Variants in LRP1B observed in about 807,000 individuals in gnomAD.
The protein encoded by LRP1B is low-density lipoprotein receptor-related protein 1B.
Under a neutral mutation model 556.6 loss-of-function variants are expected in LRP1B, and 217 were observed. That is an observed-to-expected ratio of 0.39 (90% CI 0.35 to 0.44). LRP1B has a LOEUF of 0.44. Among genes scored for constraint, LRP1B ranks in the 20% least tolerant of loss-of-function variants. LRP1B has a pLI of 1.00. For missense variants in LRP1B, 5,053 were observed against 5,620.8 expected (o/e 0.90, Z 3.23); for synonymous variants, 2,047 against 1,865.8 (o/e 1.10, Z -2.50).
intron 1 of LRP1B, among the ~76,000 whole-genome samples, 195 bp downstream of exon 1, chr2:142,130,453 C>A (rs1011869662): frequency 1.3e-5 from 2 of 152,198 alleles, no homozygotes; most frequent in Non-Finnish European, 2.9e-5. Context: ...GTGGGGGTGC[C>A]GAGGACTCAG....
intron 67 of LRP1B, among the ~76,000 whole-genome samples, chr2:140,380,443 G>A (rs1316439985): frequency 6.6e-6 from 1 of 152,078 alleles, no homozygotes; most frequent in Non-Finnish European, 1.5e-5. Context: ...ATTCCATACT[G>A]AAGCCATTTC....
chr2:140,452,104 A>C (rs1686908803), intron 62 of LRP1B, among the ~76,000 whole-genome samples: 1 of 152,150 alleles, frequency 6.6e-6, no homozygotes, highest in African/African-American at 2.4e-5. Context: ...TACTGGAGAC[A>C]AACTACAGGA....
intron 32 of LRP1B, among the ~76,000 whole-genome samples, chr2:140,792,714 A>G (rs1690166644): frequency 6.6e-6 from 1 of 152,180 alleles, no homozygotes; most frequent in South Asian, 2.1e-4. Flanking sequence ...TTCTCTAGAT[A>G]TTTCAAGTCT....
chr2:141,696,050 C>G (rs1272253669), intron 2 of LRP1B, among the ~76,000 whole-genome samples: 1 of 151,906 alleles, frequency 6.6e-6, no homozygotes, highest in Non-Finnish European at 1.5e-5. Flanking sequence ...CACAAATACC[C>G]TTTAATGTAA....
chr2:141,764,259 C>A (rs1028163846), intron 2 of LRP1B, among the ~76,000 whole-genome samples: 3 of 152,084 alleles, frequency 2.0e-5, no homozygotes, highest in African/African-American at 4.8e-5. Context: ...CGGCTCACTG[C>A]AAGCTCCGCC....
At chr2:141,029,136 C>T (rs1178867807) in intron 11 of LRP1B, among the ~76,000 whole-genome samples, 1 of 152,010 alleles carries the variant, frequency 6.6e-6, no homozygotes, top group African/African-American at 2.4e-5. Flanking sequence ...CTAGGGTGTT[C>T]AGGGGATGAA....
At chr2:141,430,349 A>G (rs968088329) in intron 3 of LRP1B, among the ~76,000 whole-genome samples, 1 of 152,182 alleles carries the variant, frequency 6.6e-6, no homozygotes, top group Non-Finnish European at 1.5e-5. Context: ...ACAGTAGCTC[A>G]TAAGACATGT....
intron 24 of LRP1B, among the ~76,000 whole-genome samples, chr2:140,884,816 G>A (rs1011089788): frequency 1.1e-4 from 16 of 152,206 alleles, no homozygotes; most frequent in Admixed American, 7.8e-4. Context: ...GGGCTCAGAT[G>A]ATTCTCCTAC....
intron 1 of LRP1B, among the ~76,000 whole-genome samples, chr2:141,925,612 G>C (rs72986515): frequency 3.9e-4 from 60 of 152,330 alleles, no homozygotes; most frequent in African/African-American, 1.4e-3. Context: ...ACCAGCAGGA[G>C]ACTATTATCT....
intron 2 of LRP1B, among the ~76,000 whole-genome samples, chr2:141,636,104 T>TA (rs796682445): frequency 6.6e-5 from 10 of 151,596 alleles, no homozygotes; most frequent in African/African-American, 1.5e-4. Context: ...CTGGGGACAG[T>TA]AAAAAAAAGA....
intron 35 of LRP1B, among the ~76,000 whole-genome samples, chr2:140,760,968 A>C (rs1313149638): frequency 6.6e-6 from 1 of 152,188 alleles, no homozygotes; most frequent in Non-Finnish European, 1.5e-5. Flanking sequence ...TATTTGTGGA[A>C]TCTTTCCTTA....
At chr2:140,767,856 C>T (rs1689171220) in intron 35 of LRP1B, among the ~76,000 whole-genome samples, 1 of 151,744 alleles carries the variant, frequency 6.6e-6, no homozygotes, top group Non-Finnish European at 1.5e-5. Context: ...AAAATACATG[C>T]ATGTACTGTA....
intron 7 of LRP1B, among the ~76,000 whole-genome samples, chr2:141,073,221 A>G (rs1699693731): frequency 6.6e-6 from 1 of 151,976 alleles, no homozygotes; most frequent in Non-Finnish European, 1.5e-5. Flanking sequence ...CATCATCCAA[A>G]TTTACCATTC....
intron 1 of LRP1B, among the ~76,000 whole-genome samples, chr2:142,062,280 ACT>A (rs1396908326): frequency 6.6e-6 from 1 of 151,806 alleles, no homozygotes; most frequent in Non-Finnish European, 1.5e-5. Context: ...CTACTCACAT[ACT>A]GTCACCTCTC....
intron 25 of LRP1B, among the ~76,000 whole-genome samples, chr2:140,868,531 G>C (rs1013399669): frequency 1.3e-5 from 2 of 152,058 alleles, no homozygotes; most frequent in Admixed American, 1.3e-4. Context: ...TAGAGAAGGT[G>C]ATCAGAAAAA....
intron 7 of LRP1B, among the ~76,000 whole-genome samples, chr2:141,081,905 G>T (rs986674782): frequency 6.6e-6 from 1 of 152,082 alleles, no homozygotes; most frequent in Non-Finnish European, 1.5e-5. Flanking sequence ...AATCTGTGGA[G>T]AGCTCTTTGA....
chr2:141,644,762 C>CACAT (rs397774024), intron 2 of LRP1B, among the ~76,000 whole-genome samples: 13 of 147,144 alleles, frequency 8.8e-5, no homozygotes, highest in African/African-American at 1.8e-4. Flanking sequence ...CACACACACA[C>CACAT]GCATACACAT....
At chr2:141,965,854 A>G (rs1295679183) in intron 1 of LRP1B, among the ~76,000 whole-genome samples, 1 of 150,614 alleles carries the variant, frequency 6.6e-6, no homozygotes, top group Non-Finnish European at 1.5e-5. Context: ...AGCCTTGGCC[A>G]ACTCTCAGAA....
At chr2:141,591,478 G>T (rs1213186344) in intron 2 of LRP1B, among the ~76,000 whole-genome samples, 1 of 151,694 alleles carries the variant, frequency 6.6e-6, no homozygotes, top group Non-Finnish European at 1.5e-5. Context: ...CCCACTCCCA[G>T]GTGATACAGT....
Sources: allele counts gnomAD v4.1 joint callset (sites outside exome capture counted in the v4.1 genomes callset), GRCh38; gene constraint gnomAD v4.1.1; transcripts MANE v1.5; gene names NCBI Gene and HGNC (gene_info 2026-07-23, HGNC 2026-07-21).